Variants in STXBP5 observed in about 807,000 individuals in gnomAD.
STXBP5 encodes the protein syntaxin binding protein 5, also known as syntaxin-binding protein 5.
In STXBP5, 50 loss-of-function variants were observed where a neutral mutation model predicts 152.4. The ratio of observed to expected loss-of-function variants is 0.33; its 90% CI spans 0.26 to 0.42. The LOEUF is 0.42. Among genes scored for constraint, STXBP5 ranks in the 10% least tolerant of loss-of-function variants. STXBP5 has a pLI of 1.00. For missense variants in STXBP5, 1,167 were observed against 1,388.6 expected (o/e 0.84, Z 2.54); for synonymous variants, 492 against 494.7 (o/e 0.99, Z 0.07).
chr6:147,358,923 C>T (rs1784933248), intron 22 of STXBP5, among the ~76,000 whole-genome samples, 161 bp from the exon 23 acceptor site: 2 of 151,894 alleles, frequency 1.3e-5, no homozygotes, highest in Non-Finnish European at 2.9e-5. Context: ...GTAGTTCAAA[C>T]CCATGTTGTT....
At chr6:147,217,759 C>T (rs542687836) in intron 2 of STXBP5, among the ~76,000 whole-genome samples, 23 of 152,180 alleles carry the variant, frequency 1.5e-4, no homozygotes, top group Non-Finnish European at 2.2e-4. Context: ...TTGTTTTATT[C>T]ACATTAAAAC....
rs559491618 is a variant in STXBP5 at position 147,213,868 on chromosome 6, C to T, written c.248+7800C>T. Among the ~76,000 whole-genome samples the T allele has an allele frequency of 1.6e-4, 25 of 152,010 alleles. No homozygotes were observed. The South Asian group carries it at 4.6e-3, about 28-fold the overall frequency. Reference sequence around the variant, plus strand: ...AGAAAAGGGCATTTCACTATTAATACCTTTTAGATTTGAATTTGAATTAAG... The same window carrying T: ...AGAAAAGGGCATTTCACTATTAATATCTTTTAGATTTGAATTTGAATTAAG... On this transcript the variant is annotated intron_variant, in intron 2 of 27. Coordinates refer to ENST00000321680, the MANE Select transcript of STXBP5 (RefSeq NM_001127715.4).
chr6:147,220,257 C>G (rs1777393825), intron 2 of STXBP5, among the ~76,000 whole-genome samples: 1 of 152,030 alleles, frequency 6.6e-6, no homozygotes, highest in Non-Finnish European at 1.5e-5. Context: ...AGTTTCTATT[C>G]TTTCAAATTT....
intron 4 of STXBP5, among the ~76,000 whole-genome samples, chr6:147,259,560 C>T (rs1278730591): frequency 2.0e-5 from 3 of 152,056 alleles, no homozygotes; most frequent in African/African-American, 7.2e-5. Flanking sequence ...TAAGTGTTTT[C>T]ATCTTGAAAA....
intron 2 of STXBP5, among the ~76,000 whole-genome samples, chr6:147,207,376 C>T (rs956642447): frequency 6.6e-6 from 1 of 152,126 alleles, no homozygotes; most frequent in African/African-American, 2.4e-5. Context: ...GCAGTCATAC[C>T]TTTATAAACG....
chr6:147,287,047 A>G (rs1393497480), intron 8 of STXBP5, among the ~76,000 whole-genome samples: 1 of 151,134 alleles, frequency 6.6e-6, no homozygotes, highest in Non-Finnish European at 1.5e-5. Flanking sequence ...TACTAGATAT[A>G]TATATTTATG....
chr6:147,288,175 T>C (rs1255812359), intron 8 of STXBP5, among the ~76,000 whole-genome samples: 2 of 152,190 alleles, frequency 1.3e-5, no homozygotes, highest in African/African-American at 2.4e-5. Context: ...AGATTGCTAT[T>C]GTTCTGGAAT....
intron 21 of STXBP5, among the ~76,000 whole-genome samples, chr6:147,349,427 G>A (rs1784489772): frequency 6.6e-6 from 1 of 152,124 alleles, no homozygotes; most frequent in Admixed American, 6.6e-5. Flanking sequence ...AGTTACAGAG[G>A]TGTATATATT....
chr6:147,275,366 C>T (rs564939151), intron 7 of STXBP5, among the ~76,000 whole-genome samples: 46 of 151,910 alleles, frequency 3.0e-4, no homozygotes, highest in African/African-American at 7.7e-4. Flanking sequence ...ATATCATCTG[C>T]GTTCATTCTG....
intron 26 of STXBP5, among the ~76,000 whole-genome samples, chr6:147,381,300 A>G (rs1786073561): frequency 2.0e-5 from 3 of 152,204 alleles, no homozygotes; most frequent in Admixed American, 1.3e-4. Context: ...ATCATTTGTC[A>G]TTAGGGAAAT....
chr6:147,261,034 A>T (rs1411809222), intron 5 of STXBP5, among the ~76,000 whole-genome samples: 1 of 151,996 alleles, frequency 6.6e-6, no homozygotes, highest in East Asian at 1.9e-4. Flanking sequence ...CCTACTAATG[A>T]AAATCATCTA....
intron 16 of STXBP5, among the ~76,000 whole-genome samples, chr6:147,317,334 AT>A (rs1199570375): frequency 1.3e-5 from 2 of 152,172 alleles, no homozygotes; most frequent in Non-Finnish European, 2.9e-5. Flanking sequence ...GATTTTTTTT[AT>A]ATTACAATCA....
chr6:147,350,760 CTTA>C (rs1465627772), intron 21 of STXBP5, among the ~76,000 whole-genome samples: 10 of 149,152 alleles, frequency 6.7e-5, no homozygotes, highest in Admixed American at 3.3e-4. Flanking sequence ...TATATCTCAC[CTTA>C]TTATTAACAA....
At position 147,316,261 on chromosome 6, in the gene STXBP5, T is replaced by C. The variant is rs1782640154; in HGVS notation, c.1656T>C (p.Asn552=). 2 of 1,613,896 alleles carry C rather than the reference T, an allele frequency of 1.2e-6. No homozygotes were observed. Among genetic ancestry groups the C allele is most frequent in the Admixed American group, 1.7e-5 (1 of 59,956 alleles). Residue 552 remains asparagine (N), a synonymous_variant, in exon 16 of 28, where the codon AAT becomes AAC. Coordinates refer to ENST00000321680, the MANE Select transcript of STXBP5 (RefSeq NM_001127715.4). ...MLEVRLLYEI[N]DVETPEGEQP... is the part of the protein sequence containing the mutation. ...AAGTTCGATTATTATATGAGATAAATGATGTGGAAACTCCGGAGGGTGAGC... is the reference window on the plus strand; with the variant it reads ...AAGTTCGATTATTATATGAGATAAACGATGTGGAAACTCCGGAGGGTGAGC...
chr6:147,320,552 AGTGTGTGTGTGT>A (rs71552971), intron 16 of STXBP5, among the ~76,000 whole-genome samples: 32 of 85,032 alleles, frequency 3.8e-4, no homozygotes, highest in African/African-American at 1.6e-3. Context: ...TGCTAATTTG[AGTGTGTGTGTGT>A]GTGTGTGTGT....
intron 18 of STXBP5, among the ~76,000 whole-genome samples, chr6:147,333,223 A>T (rs944669930): frequency 2.6e-5 from 4 of 152,082 alleles, no homozygotes; most frequent in African/African-American, 7.2e-5. Flanking sequence ...GATTTTTTTT[A>T]AAACTACTAA....
At chr6:147,368,585 C>A (rs980964224) in intron 25 of STXBP5, among the ~76,000 whole-genome samples, 1 of 152,130 alleles carries the variant, frequency 6.6e-6, no homozygotes, top group African/African-American at 2.4e-5. Flanking sequence ...TTCACTCTCA[C>A]CACTTACATT....
chr6:147,337,214 C>CACACACACACACACACAAAA (rs150169446), intron 19 of STXBP5, among the ~76,000 whole-genome samples: 1 of 147,270 alleles, frequency 6.8e-6, no homozygotes, highest in African/African-American at 2.5e-5. Flanking sequence ...CACACACACA[C>CACACACACACACACACAAAA]AAGAAGTCAT....
chr6:147,354,368 T>C (rs1016305353), intron 22 of STXBP5, among the ~76,000 whole-genome samples: 7 of 152,116 alleles, frequency 4.6e-5, no homozygotes, highest in African/African-American at 1.4e-4. Flanking sequence ...AAAAACAACT[T>C]AGTAGAACCC....
Sources: allele counts gnomAD v4.1 joint callset (sites outside exome capture counted in the v4.1 genomes callset), GRCh38; gene constraint gnomAD v4.1.1; transcripts MANE v1.5; gene names NCBI Gene and HGNC (gene_info 2026-07-23, HGNC 2026-07-21).